The following PON1 variants were observed in gnomAD, a reference collection of about 807,000 sequenced individuals.
The protein encoded by PON1 is serum paraoxonase/arylesterase 1.
A neutral mutation model predicts 39.2 loss-of-function variants in PON1; 37 were observed. The observed-to-expected ratio is 0.94, with a 90% CI of 0.73 to 1.24. The LOEUF (loss-of-function observed/expected upper bound fraction) is 1.24, where lower values mean the gene tolerates loss of function less well. Ranked by LOEUF, PON1 falls within the 50% of genes most tolerant of loss-of-function variation. The pLI, the probability that PON1 is intolerant of heterozygous loss-of-function variation, is 0.00. For synonymous variants in PON1, 148 were observed against 152.2 expected, an observed-to-expected ratio of 0.97 and a Z score of 0.21; for missense variants, 397 against 413.5, an observed-to-expected ratio of 0.96 and a Z score of 0.35.
intron 1 of PON1, among the ~76,000 whole-genome samples, chr7:95,322,464 A>G (rs1161534222): frequency 6.6e-6 from 1 of 152,028 alleles, no homozygotes; most frequent in Non-Finnish European, 1.5e-5. Flanking sequence ...AGTTGCAGAA[A>G]TGATATCTAA....
intron 8 of PON1, among the ~76,000 whole-genome samples, chr7:95,299,827 ATTAG>A (rs377491183): frequency 3.9e-5 from 6 of 152,064 alleles, no homozygotes; most frequent in Non-Finnish European, 7.4e-5. Flanking sequence ...TATATATCCT[ATTAG>A]TTCTGTCCCT....
Position 95,314,060 on chromosome 7 carries a change from T to TAAAAAAAAATAA in PON1, c.370+1261_370+1262insTTATTTTTTTTT, listed in dbSNP as rs60246311. ...GTGAATGAGAAAATGGTAAACAGCA[T>TAAAAAAAAATAA]AAAAGCAGGTGAAGTAGGCTGGGCG... On this transcript the variant is annotated intron_variant, in intron 4 of 8. Coordinates refer to ENST00000222381, the MANE Select transcript of PON1 (RefSeq NM_000446.7). 6.3e-3 allele frequency among the ~76,000 whole-genome samples: 955 copies of TAAAAAAAAATAA among 152,054 alleles called. 11 individuals carry two copies. Among genetic ancestry groups the TAAAAAAAAATAA allele is most frequent in the African/African-American group, 0.022 (910 of 41,466 alleles).
At position 95,310,142 on chromosome 7, in the gene PON1, T is replaced by C. The variant is rs145293045; in HGVS notation, c.497+1309A>G. On this transcript the variant is annotated intron_variant, in intron 5 of 8. Transcript: ENST00000222381. The stretch of plus-strand genomic sequence containing the variant: ...CAGGATTAGAATCACAGCTGCACCA[T>C]TTACTGATGATGTCATCTGGGGAAA... Among the ~76,000 whole-genome samples the C allele has an allele frequency of 3.1e-3, 467 of 152,344 alleles. 4 individuals are homozygous for C. The highest frequency in any genetic ancestry group is 0.011 in the African/African-American group (438 of 41,586).
rs3917482 is a variant in PON1, at chr7:95,321,212, G to A, written c.75-2819C>T. ...AAGGAGGTCATTAATCTATTCATGA[G>A]GGATCCATCTTCATGACCCAAACAC... On this transcript the variant is annotated intron_variant, in intron 1 of 8. Transcript: ENST00000222381. Among the ~76,000 whole-genome samples the A allele has an allele frequency of 9.9e-3, 1,508 of 152,216 alleles. 25 individuals are homozygous for A. Among genetic ancestry groups the A allele is most frequent in the African/African-American group, 0.034 (1,419 of 41,536 alleles).
intron 7 of PON1, 96 bp downstream of exon 7, chr7:95,306,189 C>T (rs2116305955): frequency 1.9e-6 from 2 of 1,070,122 alleles, no homozygotes; most frequent in Non-Finnish European, 2.9e-6. Context: ...TCTCACCCAC[C>T]CCAATTAAGC....
intron 2 of PON1, among the ~76,000 whole-genome samples, chr7:95,317,701 C>T (rs553023896): frequency 2.4e-4 from 36 of 152,050 alleles, no homozygotes; most frequent in Non-Finnish European, 4.4e-4. Context: ...AGCCCGGGGA[C>T]TCTCCTTGTT....
rs13306698 is a variant in PON1 at position 95,311,470 on chromosome 7, T to C, written c.478A>G (p.Arg160Gly). The C allele has an allele frequency of 2.3e-3, 3,769 of 1,614,108 alleles. 131 individuals are homozygous for C. In the East Asian group the frequency reaches 0.074, roughly 32 times the overall value. ...CAGTACTTAGGCAGAAGTTTATGTC[T>C]GATGGTTTTTAGATGCAAAAGCGAT... The part of the protein sequence containing the change: ...EKSLLHLKTI[R>G]HKLLPNLNDI... The change falls in exon 5 of 9, where the codon AGA becomes GGA. Residue 160 changes from arginine (R) to glycine (G), a missense_variant. Coordinates refer to ENST00000222381, the MANE Select transcript of PON1 (RefSeq NM_000446.7).
At chr7:95,303,284 C>A (rs1330121647) in intron 7 of PON1, among the ~76,000 whole-genome samples, 1 of 152,138 alleles carries the variant, frequency 6.6e-6, no homozygotes, top group African/African-American at 2.4e-5. Context: ...ATGGCAGAGC[C>A]TCAGTCTCGC....
At position 95,318,563 on chromosome 7, in the gene PON1, A is replaced by C. The variant is rs3917495; in HGVS notation, c.75-170T>G. 419 of 606,528 alleles carry C rather than the reference A, an allele frequency of 6.9e-4. 1 individual carries two copies. Among genetic ancestry groups the C allele is most frequent in the African/African-American group, 6.9e-3 (371 of 54,068 alleles). The allele number at this position is 606,528 out of a possible 1,614,324, so 37.6% of individuals were successfully genotyped here. A position where few individuals can be genotyped will look rare whatever the true frequency, so the allele number is the denominator to read the frequency against. Reference sequence around the variant, plus strand: ...AAGGCCAGGGCAAGACAAGTGGGGAACTCTGGGTACAATATTTAGTTTTTA... The same window carrying C: ...AAGGCCAGGGCAAGACAAGTGGGGACCTCTGGGTACAATATTTAGTTTTTA... On this transcript the variant is annotated intron_variant, in intron 1 of 8. Coordinates refer to ENST00000222381, the MANE Select transcript of PON1 (RefSeq NM_000446.7).
At chr7:95,304,299 T>C (rs3917555) in intron 7 of PON1, among the ~76,000 whole-genome samples, 1,601 of 151,682 alleles carry the variant, frequency 0.011, 24 homozygotes, top group African/African-American at 0.037. Flanking sequence ...GGCTTATCCA[T>C]GTTGTAGCAG....
At chr7:95,322,350 G>GTATATA (rs59115637) in intron 1 of PON1, among the ~76,000 whole-genome samples, 1 of 134,804 alleles carries the variant, frequency 7.4e-6, no homozygotes, top group Non-Finnish European at 1.6e-5. Flanking sequence ...GTGTGTGTGT[G>GTATATA]TATATATATA....
At chr7:95,304,711 T>C (rs1211494470) in intron 7 of PON1, among the ~76,000 whole-genome samples, 2 of 152,200 alleles carry the variant, frequency 1.3e-5, no homozygotes, top group Non-Finnish European at 2.9e-5. Context: ...AATTTAAGAA[T>C]AGCCTCAGCT....
intron 5 of PON1, among the ~76,000 whole-genome samples, 177 bp downstream of exon 5, chr7:95,311,274 C>T (rs560947967): frequency 2.6e-5 from 4 of 152,152 alleles, no homozygotes; most frequent in East Asian, 1.9e-4. Context: ...AAGAATGGGC[C>T]GTCTCTGAGG....
intron 3 of PON1, among the ~76,000 whole-genome samples, chr7:95,316,496 T>C (rs1807771938): frequency 6.6e-6 from 1 of 152,186 alleles, no homozygotes; most frequent in African/African-American, 2.4e-5. Flanking sequence ...AAAAAATTGC[T>C]GCAATAGAAG....
chr7:95,304,761 C>CTGA (rs1226131608), intron 7 of PON1, among the ~76,000 whole-genome samples: 1 of 152,150 alleles, frequency 6.6e-6, no homozygotes, highest in Non-Finnish European at 1.5e-5. Context: ...CATTAATTAA[C>CTGA]TGATATTAAT....
At chr7:95,299,593 G>T (rs956900009) in intron 8 of PON1, among the ~76,000 whole-genome samples, 3 of 152,084 alleles carry the variant, frequency 2.0e-5, no homozygotes, top group African/African-American at 7.2e-5. Context: ...TCAGCTGCCA[G>T]CGAATATAAA....
chr7:95,308,652 C>T (rs1259358418), intron 5 of PON1, among the ~76,000 whole-genome samples: 1 of 152,108 alleles, frequency 6.6e-6, no homozygotes, highest in Non-Finnish European at 1.5e-5. Context: ...AAATGCTGAA[C>T]CAGCAGCCTG....
Position 95,298,035 on chromosome 7 carries a change from AT to A in PON1, c.*908del, listed in dbSNP as rs1807314603. The A allele has an allele frequency of 6.6e-6, 1 of 151,610 alleles. No individual in the cohort carries two copies. The highest frequency in any genetic ancestry group is 1.5e-5 in the Non-Finnish European group (1 of 67,948). 9.4% of individuals were successfully genotyped at this position (151,610 alleles called of 1,614,324 possible). A position where few individuals can be genotyped will look rare whatever the true frequency, so the allele number is the denominator to read the frequency against. On this transcript the variant is annotated 3_prime_UTR_variant, in exon 9 of 9. Coordinates refer to ENST00000222381, the MANE Select transcript of PON1 (RefSeq NM_000446.7). ...TATTTATTTGTTTGTTTACCTTTCT[AT>A]TATTTTTTTTCTTTTCAGCCTCCAC...
At chr7:95,318,494 G>T in intron 1 of PON1, 101 bp from the exon 2 acceptor site, 1 of 1,085,582 alleles carries the variant, frequency 9.2e-7, no homozygotes, top group Non-Finnish European at 1.4e-6. Flanking sequence ...ACTGTACTTT[G>T]CCTGAGTTTC....
Sources: gnomAD v4.1 joint callset for allele counts (sites outside exome capture counted in the v4.1 genomes callset) on GRCh38, gnomAD v4.1.1 for gene constraint, MANE v1.5 for transcripts, NCBI Gene and HGNC (gene_info 2026-07-23, HGNC 2026-07-21) for gene names.